Variants in ZFHX3 observed in about 807,000 individuals in gnomAD.
The protein encoded by ZFHX3 is zinc finger homeobox 3.
A neutral mutation model predicts 279.1 loss-of-function variants in ZFHX3; 42 were observed. The observed-to-expected ratio is 0.15, with a 90% CI of 0.12 to 0.19. ZFHX3 has a LOEUF of 0.19. Ranked by LOEUF, ZFHX3 falls within the 10% of genes least tolerant of loss-of-function variation. The pLI is 1.00. For missense variants in ZFHX3, 4,981 were observed against 4,754.0 expected (o/e 1.05, Z -1.40); for synonymous variants, 2,293 against 1,957.8 (o/e 1.17, Z -4.52).
At position 72,787,487 on chromosome 16, in the gene ZFHX3, G is replaced by C. The variant is rs1212254656; in HGVS notation, c.10789C>G (p.Pro3597Ala). The C allele has an allele frequency of 6.2e-7, 1 of 1,612,694 alleles. No homozygotes were observed. Among genetic ancestry groups the C allele is most frequent in the Admixed American group, 1.7e-5 (1 of 59,996 alleles). Residue 3597 changes from proline to alanine, a missense_variant, in exon 10 of 10, where the codon CCC becomes GCC. Around this residue, in one of 7 missense-constraint regions of ZFHX3, gnomAD observed 1,034 missense variants for 786.0 expected, o/e 1.32. Transcript: ENST00000268489. ...GGGGCGGCGGCCGACGGGGGAGGGG[G>C]GCTGTCGTTTGAGTGAGCGGCAGAC... ...SQSAAHSNDS[P>A]PPPSAAAPSS...
At chr16:72,872,976 T>A (rs1027918489) in intron 4 of ZFHX3, among the ~76,000 whole-genome samples, 1 of 152,180 alleles carries the variant, frequency 6.6e-6, no homozygotes, top group East Asian at 1.9e-4. Context: ...TGGGGTCTTC[T>A]TCCTCTGTCT....
chr16:72,944,966 A>G (rs1289242950), intron 3 of ZFHX3, among the ~76,000 whole-genome samples: 1 of 151,930 alleles, frequency 6.6e-6, no homozygotes, highest in Non-Finnish European at 1.5e-5. Flanking sequence ...TTTTTTTTCA[A>G]TAGGCACAAC....
intron 1 of ZFHX3, among the ~76,000 whole-genome samples, chr16:73,777,661 G>A (rs1959303756): frequency 4.0e-5 from 6 of 151,748 alleles, no homozygotes; most frequent in Admixed American, 3.9e-4. Flanking sequence ...GATAACAATG[G>A]CTGATACCCA....
chr16:72,952,856 G>A (rs541643838), intron 2 of ZFHX3, among the ~76,000 whole-genome samples: 1 of 152,294 alleles, frequency 6.6e-6, no homozygotes, highest in Non-Finnish European at 1.5e-5. Context: ...CGGTCAAGCA[G>A]AAGGCTGGGC....
intron 4 of ZFHX3, among the ~76,000 whole-genome samples, chr16:72,854,877 C>T (rs2037712782): frequency 9.8e-6 from 1 of 102,402 alleles, no homozygotes; most frequent in African/African-American, 3.9e-5. Context: ...TAATTAGTGT[C>T]AAAATGGAAA....
At chr16:72,947,709 G>GT (rs773580254) in intron 3 of ZFHX3, among the ~76,000 whole-genome samples, 8 of 152,124 alleles carry the variant, frequency 5.3e-5, no homozygotes, top group Non-Finnish European at 1.2e-4. Flanking sequence ...CCGGGACAGG[G>GT]TGGGGTGGGG....
chr16:73,634,433 A>AATATATAT (rs60477881), intron 2 of ZFHX3, among the ~76,000 whole-genome samples: 24 of 59,898 alleles, frequency 4.0e-4, no homozygotes, highest in South Asian at 1.0e-3. Context: ...TATTATGTAT[A>AATATATAT]ATATATATAT....
intron 4 of ZFHX3, among the ~76,000 whole-genome samples, chr16:73,271,475 T>C (rs777206752): frequency 2.6e-5 from 4 of 152,176 alleles, no homozygotes; most frequent in African/African-American, 7.2e-5. Context: ...TTGGGGCAGA[T>C]GCTTGAGTCC....
At chr16:73,470,671 C>T (rs1427788354) in intron 2 of ZFHX3, among the ~76,000 whole-genome samples, 1 of 152,220 alleles carries the variant, frequency 6.6e-6, no homozygotes, top group African/African-American at 2.4e-5. Context: ...TGTAATAAGA[C>T]AGCTCTATGG....
chr16:73,532,688 T>C (rs7197483), intron 2 of ZFHX3, among the ~76,000 whole-genome samples: 2,789 of 152,154 alleles, frequency 0.018, 75 homozygotes, highest in African/African-American at 0.064. Context: ...GTAATGGGAA[T>C]AATAATTGTA....
chr16:73,278,510 G>A (rs1169991001), intron 4 of ZFHX3, among the ~76,000 whole-genome samples: 1 of 152,224 alleles, frequency 6.6e-6, no homozygotes, highest in African/African-American at 2.4e-5. Context: ...CAAAGAGTGA[G>A]CAGTAGCAAG....
rs189711986 is a variant in ZFHX3, at chr16:73,130,684, G to A, written c.-897+284C>T. ...TGCAATGGAGGTGATCTCAGCTCAC[G>A]GCAACCTCCGCTGCCCGGGTTCAAG... On this transcript the variant is annotated intron_variant, in intron 7 of 17. Coordinates refer to the ZFHX3 transcript ENST00000641206. Among the ~76,000 whole-genome samples the A allele has an allele frequency of 3.3e-5, 5 of 152,302 alleles. No individual in the cohort carries two copies. The East Asian group carries it at 7.7e-4, about 24-fold the overall frequency.
chr16:72,887,057 T>C (rs1001112012), intron 4 of ZFHX3, among the ~76,000 whole-genome samples: 1 of 152,248 alleles, frequency 6.6e-6, no homozygotes, highest in African/African-American at 2.4e-5. Context: ...CAATTTCTAC[T>C]GACTGTCGAA....
At chr16:73,606,452 C>A (rs1309840807) in intron 2 of ZFHX3, among the ~76,000 whole-genome samples, 1 of 148,284 alleles carries the variant, frequency 6.7e-6, no homozygotes, top group Admixed American at 6.8e-5. Flanking sequence ...TACCTTTGCA[C>A]TCTAGCTTGG....
chr16:73,578,119 T>C (rs75380632), intron 2 of ZFHX3, among the ~76,000 whole-genome samples: 2,486 of 152,318 alleles, frequency 0.016, 80 homozygotes, highest in African/African-American at 0.055. Context: ...ATTCATAGGA[T>C]GCTGCCAAGA....
At chr16:73,422,993 GT>G in intron 3 of ZFHX3, among the ~76,000 whole-genome samples, 1 of 152,240 alleles carries the variant, frequency 6.6e-6, no homozygotes, top group East Asian at 1.9e-4. Flanking sequence ...TCTTCTCATT[GT>G]GTCTTCAAAT....
At chr16:73,102,782 G>A (rs60146445) in intron 7 of ZFHX3, among the ~76,000 whole-genome samples, 2,909 of 152,246 alleles carry the variant, frequency 0.019, 84 homozygotes, top group African/African-American at 0.056. Flanking sequence ...CTGTAAAAGG[G>A]AAGTAATAAT....
At chr16:73,093,432 C>T (rs1432712844) in exon 8 of ZFHX3, 5 of 481,970 alleles carry the variant, frequency 1.0e-5, no homozygotes, top group Admixed American at 6.6e-5. Flanking sequence ...CGTTTGAGGG[C>T]CCCTTTCGCT....
rs2053034544 is a variant in ZFHX3, at chr16:73,682,928, A to AAG, written c.-1607-2690_-1607-2689dup. On this transcript the variant is annotated intron_variant, in intron 1 of 17. Transcript: ENST00000641206. ...AAAGAGAAAGAAAGAGAGAAAGAGA[A>AAG]AGAAAGAAAGAAAGAAAGAAAGAAA... Among the ~76,000 whole-genome samples, 10 of 22,116 alleles carry AAG rather than the reference A, an allele frequency of 4.5e-4. No homozygotes were observed. In the South Asian group the frequency reaches 0.01, roughly 23 times the overall value. The allele number at this position is 22,116 out of a possible 152,430, so 14.5% of individuals were successfully genotyped here.
Sources: allele counts gnomAD v4.1 joint callset (sites outside exome capture counted in the v4.1 genomes callset), GRCh38; gene constraint gnomAD v4.1.1; regional missense constraint gnomAD v4.1.1; transcripts MANE v1.5; gene names NCBI Gene and HGNC (gene_info 2026-07-23, HGNC 2026-07-21).